The following TMEM132B variants were observed in gnomAD, a reference collection of about 807,000 sequenced individuals.
The protein encoded by TMEM132B is transmembrane protein 132B.
TMEM132B carries 18 observed loss-of-function variants against 90.8 expected under a neutral mutation model. That is an observed-to-expected ratio of 0.20 (90% CI 0.14 to 0.29). The LOEUF is 0.29. Among genes scored for constraint, TMEM132B ranks in the 10% least tolerant of loss-of-function variants. The probability of loss-of-function intolerance (pLI) is 1.00; values close to 1 mark genes in which losing one functional copy is unlikely to be tolerated. For missense variants in TMEM132B, 1,096 were observed against 1,326.8 expected, an observed-to-expected ratio of 0.83 and a Z score of 2.70; for synonymous variants, 504 against 523.3, an observed-to-expected ratio of 0.96 and a Z score of 0.50.
intron 4 of TMEM132B, among the ~76,000 whole-genome samples, chr12:125,538,743 G>T (rs1367511273): frequency 1.3e-5 from 2 of 152,152 alleles, no homozygotes; most frequent in African/African-American, 4.8e-5. Flanking sequence ...GTAATTCCAG[G>T]GTTCAGGAGG....
chr12:125,245,698 G>T (rs1406124742), intron 1 of TMEM132B, among the ~76,000 whole-genome samples: 7 of 152,166 alleles, frequency 4.6e-5, no homozygotes, highest in South Asian at 2.1e-4. Context: ...GATGGGGGGG[G>T]ACTTAGCCCT....
At chr12:125,628,817 A>T (rs1247956307) in intron 5 of TMEM132B, among the ~76,000 whole-genome samples, 1 of 152,060 alleles carries the variant, frequency 6.6e-6, no homozygotes, top group Non-Finnish European at 1.5e-5. Flanking sequence ...TTTTGATTTG[A>T]TTTTTGTATA....
In TMEM132B at chr12:125,242,707, G is replaced by A. The variant is rs1874101121; in HGVS notation, c.67+55841G>A. Among the ~76,000 whole-genome samples the A allele has an allele frequency of 5.9e-5, 9 of 152,320 alleles. No homozygotes were observed. The South Asian group carries it at 1.9e-3, about 32-fold the overall frequency. ...GACAGTTCGGAGCCTGAGCCTGCAG[G>A]CCTCCTTTGTCCTTCAAGATCTCCT... On this transcript the variant is annotated intron_variant, in intron 1 of 8. Coordinates refer to ENST00000682704, the MANE Select transcript of TMEM132B (RefSeq NM_001366854.1).
intron 2 of TMEM132B, among the ~76,000 whole-genome samples, chr12:125,380,187 A>G (rs542591835): frequency 3.7e-4 from 56 of 152,050 alleles, no homozygotes; most frequent in Non-Finnish European, 6.2e-4. Flanking sequence ...GTTCTGAGGG[A>G]GAATATGTCC....
intron 1 of TMEM132B, among the ~76,000 whole-genome samples, chr12:125,245,728 T>C (rs1216297740): frequency 2.6e-5 from 4 of 152,104 alleles, no homozygotes; most frequent in Non-Finnish European, 5.9e-5. Flanking sequence ...CCTGGCAGCA[T>C]TGGTTCTTCT....
chr12:125,426,785 C>T lies in TMEM132B; in HGVS notation c.1106+11108C>T, dbSNP rs542603637. On this transcript the variant is annotated intron_variant, in intron 3 of 8. Coordinates refer to ENST00000682704, the MANE Select transcript of TMEM132B (RefSeq NM_001366854.1). ...AAGCAGTTGGCTGGACTGTTACAGTCCTTTTGAGAATCAGAGTTCGAGATG... is the reference window on the plus strand; with the variant it reads ...AAGCAGTTGGCTGGACTGTTACAGTTCTTTTGAGAATCAGAGTTCGAGATG... 1.2e-4 allele frequency among the ~76,000 whole-genome samples: 18 copies of T among 152,306 alleles called. No individual in the cohort carries two copies. The South Asian group carries it at 3.3e-3, about 28-fold the overall frequency.
At chr12:125,495,721 C>T (rs1412963464) in intron 3 of TMEM132B, among the ~76,000 whole-genome samples, 1 of 152,138 alleles carries the variant, frequency 6.6e-6, no homozygotes, top group Admixed American at 6.5e-5. Flanking sequence ...ACAGAAATGC[C>T]TGGGCCTGCT....
In TMEM132B at chr12:125,339,741, C is replaced by T. The variant is rs148574077; in HGVS notation, c.68-9711C>T. Among the ~76,000 whole-genome samples, 25 of 152,200 alleles carry T rather than the reference C, an allele frequency of 1.6e-4. 1 individual carries two copies. The highest frequency in any genetic ancestry group is 6.2e-4 in the South Asian group (3 of 4,824). ...GAGGAGCAAAGTTACACGCTGAGAA[C>T]GCAGTGCAAGAAGACAGAGGAGCTA... On this transcript the variant is annotated intron_variant, in intron 1 of 8. Coordinates refer to ENST00000682704, the MANE Select transcript of TMEM132B (RefSeq NM_001366854.1).
intron 5 of TMEM132B, among the ~76,000 whole-genome samples, chr12:125,609,525 G>A (rs573097027): frequency 1.3e-5 from 2 of 152,020 alleles, no homozygotes; most frequent in East Asian, 3.9e-4. Flanking sequence ...AAGAATATTG[G>A]ATCTTTTGGG....
At chr12:125,216,347 G>A (rs917395736) in intron 1 of TMEM132B, among the ~76,000 whole-genome samples, 36 of 152,136 alleles carry the variant, frequency 2.4e-4, no homozygotes, top group Non-Finnish European at 5.0e-4. Flanking sequence ...CAGTCCTGTT[G>A]GATCAGGGTC....
At chr12:125,358,147 G>T (rs567387584) in intron 2 of TMEM132B, among the ~76,000 whole-genome samples, 27 of 148,300 alleles carry the variant, frequency 1.8e-4, no homozygotes, top group South Asian at 6.2e-4. Flanking sequence ...CACTCTCTAT[G>T]GGGGGGAGAC....
intron 1 of TMEM132B, among the ~76,000 whole-genome samples, chr12:125,295,477 C>T (rs1223164087): frequency 2.7e-5 from 4 of 149,876 alleles, no homozygotes; most frequent in East Asian, 1.9e-4. Flanking sequence ...TCACATAGGC[C>T]GGCTGTCTCT....
chr12:125,374,241 G>C (rs1351836997), intron 2 of TMEM132B, among the ~76,000 whole-genome samples: 1 of 152,198 alleles, frequency 6.6e-6, no homozygotes, highest in Non-Finnish European at 1.5e-5. Context: ...GAAGAACACT[G>C]TTAGTGCAAA....
intron 3 of TMEM132B, among the ~76,000 whole-genome samples, chr12:125,511,058 C>G (rs1305875706): frequency 6.6e-6 from 1 of 152,166 alleles, no homozygotes; most frequent in African/African-American, 2.4e-5. Flanking sequence ...CAGTCACTTC[C>G]CATTCCCCCA....
intron 3 of TMEM132B, among the ~76,000 whole-genome samples, chr12:125,451,206 G>A (rs530540474): frequency 6.6e-6 from 1 of 152,264 alleles, no homozygotes; most frequent in South Asian, 2.1e-4. Flanking sequence ...TATAAGTATT[G>A]TATAAATGTT....
rs1874210019 is a variant in TMEM132B, at chr12:125,246,410, G to A, written c.67+59544G>A. Among the ~76,000 whole-genome samples, 1 of 152,208 alleles carries A rather than the reference G, an allele frequency of 6.6e-6. No individual in the cohort carries two copies. Among genetic ancestry groups the A allele is most frequent in the African/African-American group, 2.4e-5 (1 of 41,462 alleles). On this transcript the variant is annotated intron_variant, in intron 1 of 8. Coordinates refer to ENST00000682704, the MANE Select transcript of TMEM132B (RefSeq NM_001366854.1). The surrounding 1 kb of genome is among the most constrained non-coding windows in gnomAD (Gnocchi z 4.2). ...TCTGTTCTGAGGAAGTCAGCTTCCTGGGCTGCGTCTCTCATCTTGTTTATT... is the reference window on the plus strand; with the variant it reads ...TCTGTTCTGAGGAAGTCAGCTTCCTAGGCTGCGTCTCTCATCTTGTTTATT...
At chr12:125,253,905 C>A (rs986373552) in intron 1 of TMEM132B, among the ~76,000 whole-genome samples, 1 of 152,192 alleles carries the variant, frequency 6.6e-6, no homozygotes, top group African/African-American at 2.4e-5. Flanking sequence ...GCATCACTCT[C>A]TTGAACAATG....
chr12:125,518,662 G>T (rs1485600611), intron 3 of TMEM132B, among the ~76,000 whole-genome samples: 2 of 152,182 alleles, frequency 1.3e-5, no homozygotes, highest in Non-Finnish European at 1.5e-5. Context: ...ATGACAAGGG[G>T]CTCCCTGCAC....
chr12:125,202,379 G>A (rs1185397507), intron 1 of TMEM132B, among the ~76,000 whole-genome samples: 1 of 152,242 alleles, frequency 6.6e-6, no homozygotes, highest in Non-Finnish European at 1.5e-5. Context: ...CTCTGCCAGA[G>A]GTCCGTCCTC....
Sources: allele counts gnomAD v4.1 joint callset (sites outside exome capture counted in the v4.1 genomes callset), GRCh38; gene constraint gnomAD v4.1.1; non-coding constraint Gnocchi (gnomAD v3.1); transcripts MANE v1.5; gene names NCBI Gene and HGNC (gene_info 2026-07-23, HGNC 2026-07-21).